The following GALNT9 variants were observed in gnomAD, a reference collection of about 807,000 sequenced individuals.
The protein encoded by GALNT9 is polypeptide N-acetylgalactosaminyltransferase 9, also known as GalNAc transferase 9.
Under a neutral mutation model 63.1 loss-of-function variants are expected in GALNT9, and 47 were observed. The observed-to-expected ratio is 0.75, with a 90% CI of 0.59 to 0.95. The LOEUF (loss-of-function observed/expected upper bound fraction) is 0.95. GALNT9 is among the 40% of genes least tolerant of loss of function. GALNT9 has a pLI of 0.00. For synonymous variants in GALNT9, 396 were observed against 365.7 expected (o/e 1.08, Z -0.94); for missense variants, 829 against 874.8 (o/e 0.95, Z 0.66).
At chr12:132,251,517 C>A (rs1186866369) in intron 5 of GALNT9, among the ~76,000 whole-genome samples, 2 of 152,222 alleles carry the variant, frequency 1.3e-5, no homozygotes, top group Non-Finnish European at 2.9e-5. Flanking sequence ...GAGCTCAGGG[C>A]TCTGCAAGGC....
At chr12:132,323,077 T>C (rs893993416) in intron 1 of GALNT9, among the ~76,000 whole-genome samples, 10 of 152,252 alleles carry the variant, frequency 6.6e-5, no homozygotes, top group Non-Finnish European at 1.0e-4. Flanking sequence ...GAAAATGGGC[T>C]GCTGACCACA....
intron 6 of GALNT9, among the ~76,000 whole-genome samples, chr12:132,207,954 C>T (rs995277632): frequency 1.1e-4 from 17 of 152,246 alleles, no homozygotes; most frequent in East Asian, 3.9e-4. Context: ...TGGTGTGTGG[C>T]GTCCCCACAC....
At position 132,261,181 on chromosome 12, in the gene GALNT9, G is replaced by C. The variant is rs986971017; in HGVS notation, c.587-59C>G. On this transcript the variant is annotated intron_variant, in intron 3 of 10. Coordinates refer to ENST00000328957, the MANE Select transcript of GALNT9 (RefSeq NM_001122636.2). The stretch of plus-strand genomic sequence containing the variant: ...GTGCTGGCAGGCGCGGGGCCACCAA[G>C]ACCCAAGGCTGGAAATGCTGCGTGC... 6.5e-6 allele frequency: 10 copies of C among 1,536,958 alleles called. No homozygotes were observed. The Middle Eastern group carries it at 1.2e-3, about 182-fold the overall frequency.
At position 132,239,338 on chromosome 12, in the gene GALNT9, T is replaced by TGAGAGA. The variant is rs1878130629; in HGVS notation, c.1077+8571_1077+8572insTCTCTC. Among the ~76,000 whole-genome samples the TGAGAGA allele has an allele frequency of 2.1e-4, 5 of 23,638 alleles. 2 individuals carry two copies. Among genetic ancestry groups the TGAGAGA allele is most frequent in the Admixed American group, 1.2e-3 (3 of 2,524 alleles). 15.5% of individuals were successfully genotyped at this position (23,638 alleles called of 152,430 possible). On this transcript the variant is annotated intron_variant, in intron 6 of 10. Transcript: ENST00000328957. ...GAGAGACTGAGAGAGAGAGACAGAG[T>TGAGAGA]CAGAGACAGAGTCAGAGACAGAGAG...
intron 7 of GALNT9, 97 bp from the exon 8 acceptor site, chr12:132,201,358 TCACAGGAGCAGC>T (rs977740086): frequency 6.8e-6 from 5 of 740,370 alleles, no homozygotes; most frequent in Non-Finnish European, 1.1e-5. Flanking sequence ...CCAAGTGCCC[TCACAGGAGCAGC>T]CTCCCCCCCA....
chr12:132,329,074 C>G lies in GALNT9; in HGVS notation c.130G>C (p.Asp44His). The change falls in exon 1 of 11, where the codon GAC (aspartate) becomes CAC (histidine). Residue 44 changes from aspartate (D) to histidine (H), a missense_variant. Physicochemically the swap from Asp to His is moderately conservative, Grantham distance 81. Transcript: ENST00000328957. ...SQELVRIVSG[D>H]RRVRSRHAKV... ...GCGTGTCGGCTGCGCACCCGGCGGT[C>G]GCCGCTCACGATGCGCACGAGCTCC... 6.5e-7 allele frequency: 1 copy of G among 1,547,706 alleles called. No homozygotes were observed.
intron 1 of GALNT9, among the ~76,000 whole-genome samples, chr12:132,291,961 C>T (rs1168432476): frequency 2.6e-5 from 4 of 152,190 alleles, no homozygotes; most frequent in African/African-American, 9.7e-5. Context: ...CTGCAGCCCT[C>T]GTGGGTCGCA....
chr12:132,324,859 G>C (rs1387530673), intron 1 of GALNT9, among the ~76,000 whole-genome samples: 1 of 152,230 alleles, frequency 6.6e-6, no homozygotes, highest in Non-Finnish European at 1.5e-5. Flanking sequence ...CCACTGTGGC[G>C]AAGGCAGCCT....
At chr12:132,228,657 G>C (rs1276147252) in intron 6 of GALNT9, among the ~76,000 whole-genome samples, 3 of 152,026 alleles carry the variant, frequency 2.0e-5, no homozygotes, top group Admixed American at 1.3e-4. Context: ...GTGGGGTCTC[G>C]AGGGTCCAGG....
At chr12:132,216,254 G>A (rs1293354026) in intron 6 of GALNT9, among the ~76,000 whole-genome samples, 1 of 152,206 alleles carries the variant, frequency 6.6e-6, no homozygotes, top group African/African-American at 2.4e-5. Flanking sequence ...CAGAGATAGA[G>A]ATGAAGACAC....
chr12:132,312,448 T>C (rs1297685821), intron 1 of GALNT9, among the ~76,000 whole-genome samples: 1 of 152,170 alleles, frequency 6.6e-6, no homozygotes, highest in Non-Finnish European at 1.5e-5. Context: ...AGCAAGGGTG[T>C]CCCATCACCT....
chr12:132,257,652 G>T (rs113545755), intron 5 of GALNT9, 37 bp downstream of exon 5: 2 of 1,497,694 alleles, frequency 1.3e-6, no homozygotes, highest in Non-Finnish European at 9.0e-7. Flanking sequence ...CTCCTTGCCG[G>T]GCAGGGCCGC....
intron 6 of GALNT9, 127 bp from the exon 7 acceptor site, chr12:132,203,817 G>C: frequency 1.0e-6 from 1 of 970,516 alleles, no homozygotes. Context: ...CCACCGACGG[G>C]CCTGGTGGGT....
chr12:132,236,834 G>A lies in GALNT9; in HGVS notation c.1077+11076C>T, dbSNP rs1555236371. On this transcript the variant is annotated intron_variant, in intron 6 of 10. Transcript: ENST00000328957. The surrounding 1 kb of genome is among the most constrained non-coding windows in gnomAD (Gnocchi z 5.6). ...CTGGGCATGGCGGCCCCTCATGCCCGTTTTCCCAGGGTTGGTTTGGCTGTG... is the reference window on the plus strand; with the variant it reads ...CTGGGCATGGCGGCCCCTCATGCCCATTTTCCCAGGGTTGGTTTGGCTGTG... 2.6e-5 allele frequency among the ~76,000 whole-genome samples: 4 copies of A among 152,170 alleles called. No individual in the cohort carries two copies. The highest frequency in any genetic ancestry group is 4.1e-4 in the South Asian group (2 of 4,832).
chr12:132,288,975 A>G (rs1380930853), intron 1 of GALNT9, among the ~76,000 whole-genome samples: 6 of 152,178 alleles, frequency 3.9e-5, no homozygotes, highest in African/African-American at 1.2e-4. Context: ...CGGCGTTCTG[A>G]GGTCAGCAGG....
intron 2 of GALNT9, among the ~76,000 whole-genome samples, chr12:132,285,235 C>A (rs904846345): frequency 6.6e-6 from 1 of 152,242 alleles, no homozygotes; most frequent in Non-Finnish European, 1.5e-5. Flanking sequence ...TGAAACGCGG[C>A]CCCACTGGGC....
At chr12:132,318,038 C>T (rs1473613366) in intron 1 of GALNT9, among the ~76,000 whole-genome samples, 1 of 152,110 alleles carries the variant, frequency 6.6e-6, no homozygotes, top group Non-Finnish European at 1.5e-5. Context: ...CTCAGGAGTT[C>T]GAGACCAGCC....
chr12:132,325,569 C>T (rs1451671457), intron 1 of GALNT9, among the ~76,000 whole-genome samples: 2 of 152,322 alleles, frequency 1.3e-5, no homozygotes, highest in East Asian at 1.9e-4. Flanking sequence ...CACAGTGGGG[C>T]CTTCTGCTTT....
chr12:132,241,112 C>A (rs2136900777), intron 6 of GALNT9, among the ~76,000 whole-genome samples: 1 of 106,806 alleles, frequency 9.4e-6, no homozygotes, highest in Non-Finnish European at 2.0e-5. Context: ...ACCCATTACA[C>A]ACACAACACA....
Sources: allele counts gnomAD v4.1 joint callset (sites outside exome capture counted in the v4.1 genomes callset), GRCh38; gene constraint gnomAD v4.1.1; non-coding constraint Gnocchi (gnomAD v3.1); transcripts MANE v1.5; gene names NCBI Gene and HGNC (gene_info 2026-07-23, HGNC 2026-07-21).